Variants in ARHGAP45 observed in about 807,000 individuals in gnomAD.
The protein encoded by ARHGAP45 is Rho GTPase activating protein 45, also known as rho GTPase-activating protein 45.
A neutral mutation model predicts 116.1 loss-of-function variants in ARHGAP45; 56 were observed. The ratio of observed to expected loss-of-function variants is 0.48; its 90% confidence interval spans 0.39 to 0.60. The LOEUF is 0.60. Among genes scored for constraint, ARHGAP45 ranks in the 20% least tolerant of loss-of-function variants. The pLI is 0.00. For missense variants in ARHGAP45, 1,622 were observed against 1,601.0 expected (o/e 1.01, Z -0.22); for synonymous variants, 866 against 701.7 (o/e 1.23, Z -3.70).
In ARHGAP45 at chr19:1,075,029, C is replaced by G. The variant is rs929945555; in HGVS notation, c.1185+150C>G. ...TGCGCGGCCTCGCAGGCTGGGCCGCCCCCCCCAACGCCAAGCCGGGTCGGA... is the reference window on the plus strand; with the variant it reads ...TGCGCGGCCTCGCAGGCTGGGCCGCGCCCCCCAACGCCAAGCCGGGTCGGA... On this transcript the variant is annotated intron_variant, in intron 10 of 22. Coordinates refer to ENST00000313093, the MANE Select transcript of ARHGAP45 (RefSeq NM_012292.5). 4.5e-5 allele frequency: 22 copies of G among 488,108 alleles called. 1 individual carries two copies. The highest frequency in any genetic ancestry group is 2.0e-4 in the East Asian group (4 of 19,960). The allele number at this position is 488,108 out of a possible 1,614,324, so 30.2% of individuals were successfully genotyped here. A position where few individuals can be genotyped will look rare whatever the true frequency, so the allele number is the denominator to read the frequency against.
chr19:1,070,654 G>GT (rs1286369702), intron 2 of ARHGAP45, among the ~76,000 whole-genome samples: 1 of 151,634 alleles, frequency 6.6e-6, no homozygotes, highest in Admixed American at 6.6e-5. Context: ...GCCAGTTTTT[G>GT]TATTTTTTGT....
At chr19:1,084,500 A>G (rs1449766331) in intron 22 of ARHGAP45, among the ~76,000 whole-genome samples, 154 bp downstream of exon 22, 1 of 152,136 alleles carries the variant, frequency 6.6e-6, no homozygotes, top group Non-Finnish European at 1.5e-5. Flanking sequence ...CCTATGAGCT[A>G]CTCATTCAGT....
chr19:1,085,006 G>T (rs753337668), intron 22 of ARHGAP45, among the ~76,000 whole-genome samples: 16 of 152,210 alleles, frequency 1.1e-4, no homozygotes, highest in African/African-American at 3.9e-4. Context: ...CACTTGAACC[G>T]GGGAGGCAGA....
At position 1,086,091 on chromosome 19, in the gene ARHGAP45, TAGGTGC is replaced by T; in HGVS notation, c.*86_*91del. 8.0e-7 allele frequency: 1 copy of T among 1,254,782 alleles called. No individual in the cohort carries two copies. The highest frequency in any genetic ancestry group is 1.1e-6 in the Non-Finnish European group (1 of 891,862). 77.7% of individuals were successfully genotyped at this position (1,254,782 alleles called of 1,614,324 possible). On this transcript the variant is annotated 3_prime_UTR_variant, in exon 23 of 23. Coordinates refer to ENST00000313093, the MANE Select transcript of ARHGAP45 (RefSeq NM_012292.5). ...ACGTCCCCTGCACCACGGCATAGCT[TAGGTGC>T]GCCGTCCTGGGGTCGCTGCCGAGAG... is the stretch of plus-strand genomic sequence containing the variant.
chr19:1,067,359 C>T lies in ARHGAP45; in HGVS notation c.-47C>T. On this transcript the variant is annotated 5_prime_UTR_variant, in exon 1 of 23. Transcript: ENST00000313093. The stretch of plus-strand genomic sequence containing the variant: ...GCGGCCAGCGCCGGGAGCTGCAGCG[C>T]TGAGACCCCCAGCCCGCCCCCTCGG... 6.6e-7 allele frequency: 1 copy of T among 1,516,194 alleles called. No homozygotes were observed. The highest frequency in any genetic ancestry group is 1.3e-5 in the South Asian group (1 of 79,450). 93.9% of individuals were successfully genotyped at this position (1,516,194 alleles called of 1,614,324 possible). A position where few individuals can be genotyped will look rare whatever the true frequency, so the allele number is the denominator to read the frequency against.
rs538678735 is a variant in ARHGAP45, at chr19:1,083,924, A to G, written c.2956-314A>G. Among the ~76,000 whole-genome samples, 687 of 152,244 alleles carry G rather than the reference A, an allele frequency of 4.5e-3. 5 individuals are homozygous for G. Among genetic ancestry groups the G allele is most frequent in the Non-Finnish European group, 7.6e-3 (519 of 68,020 alleles). ...CCCGGCTAATTTTTGTATTTTTAAC[A>G]GAGATGGGGTTTCACTTTGTTGGCC... On this transcript the variant is annotated intron_variant, in intron 21 of 22. Transcript: ENST00000313093.
intron 10 of ARHGAP45, among the ~76,000 whole-genome samples, chr19:1,075,493 C>T (rs2043228514): frequency 2.0e-5 from 3 of 152,096 alleles, no homozygotes; most frequent in African/African-American, 4.8e-5. Context: ...GATCCACCCG[C>T]GTCGGCCTCC....
chr19:1,085,892 A>G lies in ARHGAP45; in HGVS notation c.3297A>G (p.Gly1099=). 1.2e-6 allele frequency: 2 copies of G among 1,612,790 alleles called. No homozygotes were observed. The highest frequency in any genetic ancestry group is 1.7e-6 in the Non-Finnish European group (2 of 1,179,942). ...ACGGCCCGGCCCAGCAGCTCTCAGGATTCAACACCAACCAGTCCAACAACG... is the reference window on the plus strand; with the variant it reads ...ACGGCCCGGCCCAGCAGCTCTCAGGGTTCAACACCAACCAGTCCAACAACG... ...DEDGPAQQLS[G]FNTNQSNNVL... Residue 1099 remains glycine (G), a synonymous_variant, in exon 23 of 23, where the codon GGA becomes GGG. Coordinates refer to ENST00000313093, the MANE Select transcript of ARHGAP45 (RefSeq NM_012292.5).
intron 11 of ARHGAP45, among the ~76,000 whole-genome samples, chr19:1,078,771 C>T (rs2043341579): frequency 6.6e-6 from 1 of 151,522 alleles, no homozygotes; most frequent in Non-Finnish European, 1.5e-5. Context: ...GGCTGGAGTG[C>T]AGTGACGTGA....
chr19:1,084,062 A>G lies in ARHGAP45; in HGVS notation c.2956-176A>G, dbSNP rs777502576. On this transcript the variant is annotated intron_variant, in intron 21 of 22. Coordinates refer to ENST00000313093, the MANE Select transcript of ARHGAP45 (RefSeq NM_012292.5). Reference sequence around the variant, plus strand: ...GCGGCGTCTCGTATTCTTTCAATCCATCTTCCCTGGGTGTTTAGGGGCTGC... The same window carrying G: ...GCGGCGTCTCGTATTCTTTCAATCCGTCTTCCCTGGGTGTTTAGGGGCTGC... Among the ~76,000 whole-genome samples, 46 of 151,872 alleles carry G rather than the reference A, an allele frequency of 3.0e-4. 1 individual carries two copies. The Middle Eastern group carries it at 0.02, about 67-fold the overall frequency.
At chr19:1,083,451 C>G in intron 21 of ARHGAP45, 98 bp downstream of exon 21, 3 of 1,120,514 alleles carry the variant, frequency 2.7e-6, no homozygotes, top group South Asian at 2.8e-5. Context: ...CAAGGAACCA[C>G]AGGGAGATAA....
rs1321694977 is a variant in ARHGAP45 at position 1,086,261 on chromosome 19, G to A, written c.*255G>A. On this transcript the variant is annotated 3_prime_UTR_variant, in exon 23 of 23. Transcript: ENST00000313093. ...CTGAGCTGGGGAACACTGCTGTCGT[G>A]TGAAGTCACAGTGGCCTTGTTGGTG... 1.4e-5 allele frequency: 7 copies of A among 490,026 alleles called. No homozygotes were observed. The East Asian group carries it at 1.7e-4, about 12-fold the overall frequency. 30.4% of individuals were successfully genotyped at this position (490,026 alleles called of 1,614,324 possible). A position where few individuals can be genotyped will look rare whatever the true frequency, so the allele number is the denominator to read the frequency against.
In ARHGAP45 at chr19:1,083,302, C is replaced by A; in HGVS notation, c.2904C>A (p.Val968=). The A allele has an allele frequency of 6.3e-7, 1 of 1,577,386 alleles. No homozygotes were observed. The highest frequency in any genetic ancestry group is 8.6e-7 in the Non-Finnish European group (1 of 1,161,484). Reference sequence around the variant, plus strand: ...CCCGCGTCATCGAGACTCTCATCGTCCACTACGGCCTGGTCTTCGAGGAGG... The same window carrying A: ...CCCGCGTCATCGAGACTCTCATCGTACACTACGGCCTGGTCTTCGAGGAGG... The part of the protein sequence containing the change: ...HQARVIETLI[V]HYGLVFEEEP... The change falls in exon 21 of 23, where the codon GTC becomes GTA. Residue 968 remains valine, a synonymous_variant. Coordinates refer to ENST00000313093, the MANE Select transcript of ARHGAP45 (RefSeq NM_012292.5).
intron 2 of ARHGAP45, among the ~76,000 whole-genome samples, chr19:1,070,510 C>CTTT (rs35544064): frequency 7.5e-6 from 1 of 133,274 alleles, no homozygotes; most frequent in South Asian, 2.4e-4. Flanking sequence ...TTTTTTCTTT[C>CTTT]TTTTTTTTTT....
chr19:1,076,270 T>C (rs903444308), intron 10 of ARHGAP45, among the ~76,000 whole-genome samples: 2 of 152,138 alleles, frequency 1.3e-5, no homozygotes, highest in African/African-American at 4.8e-5. Flanking sequence ...CCTCAGTTCT[T>C]AACCTTTGCT....
intron 21 of ARHGAP45, among the ~76,000 whole-genome samples, 185 bp downstream of exon 21, chr19:1,083,538 T>C (rs2043510293): frequency 6.6e-6 from 1 of 152,200 alleles, no homozygotes; most frequent in Non-Finnish European, 1.5e-5. Context: ...GAGGTCTGCA[T>C]TGAATCTGGC....
intron 10 of ARHGAP45, among the ~76,000 whole-genome samples, chr19:1,076,432 T>C (rs2043249314): frequency 6.6e-6 from 1 of 151,930 alleles, no homozygotes; most frequent in African/African-American, 2.4e-5. Flanking sequence ...CTTTTGATTT[T>C]TACCTGTGGC....
Position 1,081,753 on chromosome 19 carries a change from G to A in ARHGAP45, c.2379+15G>A, listed in dbSNP as rs1238432690. ...TGCGCACCAAGGTGAGGCGGGGGAG[G>A]AAGCGGCTCACAGCGAGGAGGCGGG... is the stretch of plus-strand genomic sequence containing the variant. On this transcript the variant is annotated intron_variant, in intron 18 of 22. Transcript: ENST00000313093. 6.4e-7 allele frequency: 1 copy of A among 1,557,518 alleles called. No homozygotes were observed. The highest frequency in any genetic ancestry group is 8.7e-7 in the Non-Finnish European group (1 of 1,149,980).
At chr19:1,076,483 C>CTTTTTTTTTTTTTTTTTTTT (rs71174343) in intron 10 of ARHGAP45, among the ~76,000 whole-genome samples, 2 of 64,980 alleles carry the variant, frequency 3.1e-5, no homozygotes, top group African/African-American at 1.2e-4. Flanking sequence ...TGGCAGTAGT[C>CTTTTTTTTTTTTTTTTTTTT]TTTTTTTTTT....
Sources: gnomAD v4.1 joint callset for allele counts (sites outside exome capture counted in the v4.1 genomes callset) on GRCh38, gnomAD v4.1.1 for gene constraint, MANE v1.5 for transcripts, NCBI Gene and HGNC (gene_info 2026-07-23, HGNC 2026-07-21) for gene names.